The following SUCO variants were observed in gnomAD, a reference collection of about 807,000 sequenced individuals.
SUCO encodes SUN domain-containing ossification factor.
Under a neutral mutation model 148.1 loss-of-function variants are expected in SUCO, and 57 were observed. The observed-to-expected ratio is 0.38, with a 90% CI of 0.31 to 0.48. The LOEUF (loss-of-function observed/expected upper bound fraction) is 0.48, where lower values mean the gene tolerates loss of function less well. Ranked by LOEUF, SUCO falls within the 20% of genes least tolerant of loss-of-function variation. The pLI, the probability that SUCO is intolerant of heterozygous loss-of-function variation, is 0.96. For synonymous variants in SUCO, 470 were observed against 502.7 expected (o/e 0.93, Z 0.87); for missense variants, 1,331 against 1,468.2 (o/e 0.91, Z 1.53).
chr1:172,534,624 A>T (rs1186057153), intron 1 of SUCO, among the ~76,000 whole-genome samples: 1 of 152,196 alleles, frequency 6.6e-6, no homozygotes, highest in Non-Finnish European at 1.5e-5. Flanking sequence ...TTGACTTATT[A>T]CCTTTCATTC....
rs1222393848 is a variant in SUCO at position 172,610,337 on chromosome 1, G to C, written c.*78G>C. On this transcript the variant is annotated 3_prime_UTR_variant, in exon 24 of 24. Transcript: ENST00000263688. ...ACAGTCTGTAGTATTTGAAGGGTTT[G>C]GGGGAGGGAGAAAATATTAATGGGA... 4.1e-6 allele frequency: 6 copies of C among 1,464,668 alleles called. No individual in the cohort carries two copies. In the South Asian group the frequency reaches 6.1e-5, roughly 15 times the overall value. The allele number at this position is 1,464,668 out of a possible 1,614,324, so 90.7% of individuals were successfully genotyped here. A position where few individuals can be genotyped will look rare whatever the true frequency, so the allele number is the denominator to read the frequency against.
rs371955440 is a variant in SUCO, at chr1:172,590,152, T to C, written c.2825+226T>C. On this transcript the variant is annotated intron_variant, in intron 18 of 23. Coordinates refer to ENST00000263688, the MANE Select transcript of SUCO (RefSeq NM_014283.5). Reference sequence around the variant, plus strand: ...AGTACTTTCCAGTGACAAAACACTTTTATTAGGCTGGCAACAAGTTTGAAT... The same window carrying C: ...AGTACTTTCCAGTGACAAAACACTTCTATTAGGCTGGCAACAAGTTTGAAT... 14 of 261,928 alleles carry C rather than the reference T, an allele frequency of 5.3e-5. No homozygotes were observed. The East Asian group carries it at 2.3e-3, about 44-fold the overall frequency. 16.2% of individuals were successfully genotyped at this position (261,928 alleles called of 1,614,324 possible). A position where few individuals can be genotyped will look rare whatever the true frequency, so the allele number is the denominator to read the frequency against.
At chr1:172,540,737 ATTTC>A (rs1652388823) in intron 1 of SUCO, among the ~76,000 whole-genome samples, 2 of 152,114 alleles carry the variant, frequency 1.3e-5, no homozygotes, top group South Asian at 4.1e-4. Context: ...AATAATGGCT[ATTTC>A]TTTGTGTGTG....
At chr1:172,533,538 T>C (rs1468132749) in intron 1 of SUCO, 41 bp downstream of exon 1, 1 of 1,501,828 alleles carries the variant, frequency 6.7e-7, no homozygotes, top group Non-Finnish European at 8.9e-7. Flanking sequence ...GTGAGGGGAG[T>C]AAATGGGAGG....
Position 172,588,978 on chromosome 1 carries a change from T to C in SUCO, c.1877T>C (p.Ile626Thr). The change falls in exon 18 of 24, where the codon ATT (isoleucine) becomes ACT (threonine). Residue 626 changes from isoleucine (I) to threonine (T), a missense_variant. Physicochemically the swap from Ile to Thr is moderately conservative, Grantham distance 89 (BLOSUM62 -1). Around this residue, in one of 3 missense-constraint regions of SUCO, gnomAD observed 992 missense variants for 1,093.5 expected, o/e 0.91. Coordinates refer to ENST00000263688, the MANE Select transcript of SUCO (RefSeq NM_014283.5). Reference sequence around the variant, plus strand: ...AGTGAACTGACCACAATTTGTTGTATTTCTAGTTTTTCAGAATACATATAT... The same window carrying C: ...AGTGAACTGACCACAATTTGTTGTACTTCTAGTTTTTCAGAATACATATAT... ...FCSELTTICC[I>T]SSFSEYIYKW... 1 of 1,610,456 alleles carries C rather than the reference T, an allele frequency of 6.2e-7. No homozygotes were observed. The highest frequency in any genetic ancestry group is 8.5e-7 in the Non-Finnish European group (1 of 1,178,238).
In SUCO at chr1:172,608,778, C is replaced by T. The variant is rs1212141541; in HGVS notation, c.3297C>T (p.Pro1099=). The T allele has an allele frequency of 6.3e-7, 1 of 1,585,166 alleles. No individual in the cohort carries two copies. Among genetic ancestry groups the T allele is most frequent in the East Asian group, 2.2e-5 (1 of 44,562 alleles). The change falls in exon 23 of 24, where the codon CCC becomes CCT. Residue 1099 remains proline (P), a synonymous_variant. Transcript: ENST00000263688. Reference sequence around the variant, plus strand: ...CAAATGATTTGTACATTGTAGAACCCCTCAAGTTTTCTCCAGAAAAGAAGG... The same window carrying T: ...CAAATGATTTGTACATTGTAGAACCTCTCAAGTTTTCTCCAGAAAAGAAGG... ...VDPNDLYIVE[P]LKFSPEKKKK... is the part of the protein sequence containing the mutation.
intron 1 of SUCO, among the ~76,000 whole-genome samples, chr1:172,545,338 A>G (rs1271974116): frequency 6.6e-6 from 1 of 152,242 alleles, no homozygotes; most frequent in Non-Finnish European, 1.5e-5. Context: ...ATAAAGTTTC[A>G]GTAGCTGTCA....
intron 1 of SUCO, among the ~76,000 whole-genome samples, chr1:172,549,562 A>G (rs993932771): frequency 6.6e-6 from 1 of 151,952 alleles, no homozygotes; most frequent in African/African-American, 2.4e-5. Flanking sequence ...TTTTTTTCTC[A>G]ATCACTTTCA....
intron 19 of SUCO, 71 bp from the exon 20 acceptor site, chr1:172,599,993 A>T: frequency 9.6e-7 from 1 of 1,040,068 alleles, no homozygotes; most frequent in Admixed American, 3.2e-5. Flanking sequence ...TTTTTAGATT[A>T]TTTGACTTCA....
chr1:172,537,945 C>T (rs975225339), intron 1 of SUCO, among the ~76,000 whole-genome samples: 7 of 152,080 alleles, frequency 4.6e-5, no homozygotes, highest in Admixed American at 3.9e-4. Flanking sequence ...TCACAATGAG[C>T]GAATTTTGTT....
At chr1:172,577,009 A>G (rs1008177437) in intron 11 of SUCO, 1 of 765,208 alleles carries the variant, frequency 1.3e-6, no homozygotes, top group Non-Finnish European at 1.6e-6. Flanking sequence ...TTGAAATAAC[A>G]TAGCATACCA....
At chr1:172,533,103 T>G, upstream of SUCO, 2 of 1,429,108 alleles carry the variant, frequency 1.4e-6, no homozygotes, top group Non-Finnish European at 1.8e-6. Flanking sequence ...GCGGCGGCCG[T>G]TGGTCGCTGG....
intron 15 of SUCO, among the ~76,000 whole-genome samples, chr1:172,579,514 G>A (rs1655716019): frequency 6.6e-6 from 1 of 152,020 alleles, no homozygotes; most frequent in South Asian, 2.1e-4. Context: ...TGACATTTTG[G>A]GACAGATTCC....
chr1:172,550,945 T>C, intron 1 of SUCO: 1 of 870,452 alleles, frequency 1.1e-6, no homozygotes, highest in Non-Finnish European at 1.4e-6. Context: ...TGTGGTATAT[T>C]TCTCCTTTGG....
chr1:172,533,555 C>T lies in SUCO; in HGVS notation c.62+58C>T, dbSNP rs191673711. 1.8e-5 allele frequency: 27 copies of T among 1,469,510 alleles called. No individual in the cohort carries two copies. The East Asian group carries it at 6.3e-4, about 34-fold the overall frequency. 91.0% of individuals were successfully genotyped at this position (1,469,510 alleles called of 1,614,324 possible). On this transcript the variant is annotated intron_variant, in intron 1 of 23. Coordinates refer to ENST00000263688, the MANE Select transcript of SUCO (RefSeq NM_014283.5). Reference sequence around the variant, plus strand: ...GAGGGGAGTAAATGGGAGGGAGCAGCCCAGGTCACACCCCCTGGTCATTTT... The same window carrying T: ...GAGGGGAGTAAATGGGAGGGAGCAGTCCAGGTCACACCCCCTGGTCATTTT...
At position 172,589,854 on chromosome 1, in the gene SUCO, T is replaced by G. The variant is rs1186427354; in HGVS notation, c.2753T>G (p.Leu918Arg). The G allele has an allele frequency of 6.3e-7, 1 of 1,593,762 alleles. No individual in the cohort carries two copies. Among genetic ancestry groups the G allele is most frequent in the Non-Finnish European group, 8.5e-7 (1 of 1,173,914 alleles). Residue 918 changes from leucine to arginine, a missense_variant, in exon 18 of 24, where the codon CTT becomes CGT. Physicochemically the swap from Leu to Arg is moderately radical, Grantham distance 102. This residue lies in a region of SUCO where 992 missense variants were observed against 1,093.5 expected (regional missense o/e 0.91). Transcript: ENST00000263688. The stretch of plus-strand genomic sequence containing the variant: ...CAAAAGGAGTCAGTATTTATGAGAC[T>G]TAATAATCGTATTAAAGCCTTAGAA... ...SNQKESVFMRLNNRIKALEVN... is the reference protein window; with the variant it reads ...SNQKESVFMRRNNRIKALEVN...
intron 19 of SUCO, among the ~76,000 whole-genome samples, chr1:172,597,977 A>G (rs1245659778): frequency 6.6e-6 from 1 of 152,210 alleles, no homozygotes; most frequent in Non-Finnish European, 1.5e-5. Context: ...CCAATATATC[A>G]GTTTTCTCTT....
chr1:172,595,781 C>T (rs894112602), intron 19 of SUCO, among the ~76,000 whole-genome samples: 1 of 152,148 alleles, frequency 6.6e-6, no homozygotes, highest in Non-Finnish European at 1.5e-5. Context: ...CGAGGAGTAT[C>T]TTTGTGGCGT....
chr1:172,555,597 A>G (rs1653683085), intron 3 of SUCO, among the ~76,000 whole-genome samples: 1 of 152,206 alleles, frequency 6.6e-6, no homozygotes, highest in Admixed American at 6.5e-5. Context: ...AAATCTCTGT[A>G]GGTCCTGATG....
Sources: gnomAD v4.1 joint callset for allele counts (sites outside exome capture counted in the v4.1 genomes callset) on GRCh38, gnomAD v4.1.1 for gene constraint, gnomAD v4.1.1 regional missense constraint, MANE v1.5 for transcripts, NCBI Gene and HGNC (gene_info 2026-07-23, HGNC 2026-07-21) for gene names.